DNAH2: variants seen among roughly 807,000 people sequenced by gnomAD.
The protein encoded by DNAH2 is dynein axonemal heavy chain 2.
In DNAH2, 323 loss-of-function variants were observed where a neutral mutation model predicts 523.5. The observed-to-expected ratio is 0.62, with a 90% CI of 0.56 to 0.68. The LOEUF is 0.68. DNAH2 is among the 30% of genes least tolerant of loss of function. DNAH2 has a pLI of 0.00. For missense variants in DNAH2, 4,907 were observed against 5,701.5 expected, an observed-to-expected ratio of 0.86 and a Z score of 4.49; for synonymous variants, 2,093 against 2,177.4, an observed-to-expected ratio of 0.96 and a Z score of 1.08.
At chr17:7,790,714 AT>A (rs56133367) in intron 44 of DNAH2, among the ~76,000 whole-genome samples, 78,805 of 147,540 alleles carry the variant, frequency 0.53, 22,438 homozygotes, top group Non-Finnish European at 0.63. Context: ...CTCTTTTTTA[AT>A]TTTTTTTTTT....
intron 58 of DNAH2, 52 bp from the exon 59 acceptor site, chr17:7,804,204 G>T (rs1379359378): frequency 5.0e-6 from 8 of 1,592,048 alleles, no homozygotes; most frequent in African/African-American, 2.7e-5. Flanking sequence ...ACAGGACACC[G>T]CGCTTTCCGG....
In DNAH2 at chr17:7,798,386, C is replaced by G; in HGVS notation, c.8398+62C>G. 1.3e-6 allele frequency: 2 copies of G among 1,557,696 alleles called. No homozygotes were observed. Among genetic ancestry groups the G allele is most frequent in the Non-Finnish European group, 1.7e-6 (2 of 1,150,062 alleles). On this transcript the variant is annotated intron_variant, in intron 54 of 85. Transcript: ENST00000572933. This position sits in a 1 kb window ranked among gnomAD's most constrained non-coding sequence, Gnocchi z 5.5. ...TCAGATGCATACATTCCTGCAGTGA[C>G]AAGAGAGGAGAGATGGCAGCCAGAT... is the stretch of plus-strand genomic sequence containing the variant.
rs757832019 is a variant in DNAH2, at chr17:7,801,681, A to G, written c.8803A>G (p.Ile2935Val). 1.2e-6 allele frequency: 2 copies of G among 1,614,156 alleles called. No individual in the cohort carries two copies. The highest frequency in any genetic ancestry group is 1.3e-5 in the African/African-American group (1 of 75,038). ...GCTCGAGGTGGCTGAGAAGTGCCTC[A>G]TAGGAGTAGACCTGGGAACTCAGGA... ...ALLEVAEKCL[I>V]GVDLGTQENI... The change falls in exon 57 of 86, where the codon ATA (isoleucine) becomes GTA (valine). Residue 2935 changes from isoleucine to valine, a missense_variant. By Grantham distance (29) the Ile-to-Val change is conservative (BLOSUM62 3). Coordinates refer to ENST00000572933, the MANE Select transcript of DNAH2 (RefSeq NM_020877.5).
chr17:7,799,068 C>A, intron 55 of DNAH2, 35 bp from the exon 56 acceptor site: 1 of 1,611,468 alleles, frequency 6.2e-7, no homozygotes, highest in Non-Finnish European at 8.5e-7. Flanking sequence ...GCTATGGACA[C>A]GCCAGCCCTC....
intron 28 of DNAH2, 84 bp from the exon 29 acceptor site, chr17:7,774,675 G>A: frequency 8.0e-7 from 1 of 1,242,874 alleles, no homozygotes; most frequent in South Asian, 1.4e-5. Context: ...TTCAAGAGCT[G>A]GCAAAGAACA....
chr17:7,764,414 G>T (rs142472680), intron 20 of DNAH2, 141 bp downstream of exon 20: 10,529 of 1,000,116 alleles, frequency 0.011, 63 homozygotes, highest in Non-Finnish European at 0.013. Flanking sequence ...TAGCTCAAAT[G>T]ATACCTTTAC....
At chr17:7,797,552 C>A in intron 52 of DNAH2, 22 bp downstream of exon 52, 1 of 1,614,138 alleles carries the variant, frequency 6.2e-7, no homozygotes, top group South Asian at 1.1e-5. Context: ...GCTGTGATGA[C>A]CTTGGGCTTG....
In DNAH2 at chr17:7,756,197, G is replaced by A. The variant is rs560678996; in HGVS notation, c.1905-894G>A. ...AGAGGTGGCAGTGAGCTGAGATTGCGCCACTGCACTCCAGCCTGGGTGACA... is the reference window on the plus strand; with the variant it reads ...AGAGGTGGCAGTGAGCTGAGATTGCACCACTGCACTCCAGCCTGGGTGACA... On this transcript the variant is annotated intron_variant, in intron 12 of 85. Transcript: ENST00000572933. 6.9e-4 allele frequency among the ~76,000 whole-genome samples: 105 copies of A among 151,666 alleles called. 1 individual carries two copies. Among genetic ancestry groups the A allele is most frequent in the African/African-American group, 2.3e-3 (96 of 41,400 alleles).
intron 68 of DNAH2, 93 bp downstream of exon 68, chr17:7,818,189 T>A: frequency 6.3e-7 from 1 of 1,596,772 alleles, no homozygotes; most frequent in South Asian, 1.1e-5. Context: ...GTCCCTCCAT[T>A]CAGACAGCCC....
chr17:7,780,317 T>G lies in DNAH2; in HGVS notation c.5850+33T>G. 3 of 1,613,592 alleles carry G rather than the reference T, an allele frequency of 1.9e-6. No homozygotes were observed. Among genetic ancestry groups the G allele is most frequent in the Non-Finnish European group, 2.5e-6 (3 of 1,179,878 alleles). On this transcript the variant is annotated intron_variant, in intron 37 of 85. Transcript: ENST00000572933. The surrounding 1 kb of genome is among the most constrained non-coding windows in gnomAD (Gnocchi z 4.4). ...AATAACCCCTTTTCTCCAGTGATTT[T>G]AATTTCCTTTCATAATTATTCCCTG...
In DNAH2 at chr17:7,807,440, G is replaced by C; in HGVS notation, c.9613-30G>C. 6.2e-7 allele frequency: 1 copy of C among 1,610,900 alleles called. No homozygotes were observed. Among genetic ancestry groups the C allele is most frequent in the East Asian group, 2.2e-5 (1 of 44,860 alleles). ...TGAGGGGGTTGGTGGGTTGGTGGGC[G>C]ACTCCCACAGCCTGACTGTCTCCCC... On this transcript the variant is annotated intron_variant, in intron 62 of 85. Transcript: ENST00000572933. The surrounding 1 kb of genome is among the most constrained non-coding windows in gnomAD (Gnocchi z 5.6).
At position 7,734,553 on chromosome 17, in the gene DNAH2, C is replaced by T. The variant is rs554395453; in HGVS notation, c.823C>T (p.Leu275=). The T allele has an allele frequency of 6.2e-7, 1 of 1,613,666 alleles. No homozygotes were observed. Among genetic ancestry groups the T allele is most frequent in the African/African-American group, 1.3e-5 (1 of 74,868 alleles). ...GGAGACAGGAGAAAATTTAGGTCCT[C>T]TGGAGGAGATTGAGTTCTGGCGCAA... The part of the protein sequence containing the change: ...TVETGENLGP[L]EEIEFWRNRC... Residue 275 remains leucine, a synonymous_variant, in exon 7 of 86, where the codon CTG becomes TTG. Transcript: ENST00000572933.
At chr17:7,820,467 CG>C (rs1430676423) in intron 72 of DNAH2, among the ~76,000 whole-genome samples, 1 of 152,194 alleles carries the variant, frequency 6.6e-6, no homozygotes, top group East Asian at 1.9e-4. Flanking sequence ...GGGGCCTGAG[CG>C]TCCCTGACTG....
At chr17:7,782,698 G>C (rs1386272963) in intron 39 of DNAH2, among the ~76,000 whole-genome samples, 1 of 152,040 alleles carries the variant, frequency 6.6e-6, no homozygotes, top group East Asian at 1.9e-4. Flanking sequence ...GAGGTGCGGT[G>C]GTTCACGCCT....
intron 39 of DNAH2, among the ~76,000 whole-genome samples, chr17:7,785,094 ATTTTT>A (rs33990598): frequency 7.4e-6 from 1 of 134,822 alleles, no homozygotes. Flanking sequence ...AAATTAGAGA[ATTTTT>A]TTTTTTTTTT....
At chr17:7,796,745 C>A in intron 50 of DNAH2, 93 bp downstream of exon 50, 6 of 1,403,432 alleles carry the variant, frequency 4.3e-6, no homozygotes, top group South Asian at 4.2e-5. Context: ...CACTAGCATG[C>A]GCACCAAAAG....
At chr17:7,771,194 A>C (rs1204473667) in intron 27 of DNAH2, 136 bp from the exon 28 acceptor site, 8 of 1,331,394 alleles carry the variant, frequency 6.0e-6, no homozygotes, top group Non-Finnish European at 8.3e-6. Context: ...TTCCTTGTAG[A>C]ACTTGGGCAT....
At chr17:7,757,347 C>G in intron 13 of DNAH2, 110 bp downstream of exon 13, 1 of 1,367,294 alleles carries the variant, frequency 7.3e-7, no homozygotes, top group South Asian at 1.5e-5. Flanking sequence ...TCCTCTACAT[C>G]TTTTCCATCT....
At chr17:7,819,894 T>C (rs2077806132) in intron 72 of DNAH2, among the ~76,000 whole-genome samples, 1 of 152,138 alleles carries the variant, frequency 6.6e-6, no homozygotes, top group South Asian at 2.1e-4. Context: ...TCCCTCTTCC[T>C]TCAGGGTCCT....
Sources: gnomAD v4.1 joint callset for allele counts (sites outside exome capture counted in the v4.1 genomes callset) on GRCh38, gnomAD v4.1.1 for gene constraint, Gnocchi (gnomAD v3.1) non-coding constraint, MANE v1.5 for transcripts, NCBI Gene and HGNC (gene_info 2026-07-23, HGNC 2026-07-21) for gene names.